The following IL17REL variants were observed in gnomAD, a reference collection of about 807,000 sequenced individuals.
IL17REL encodes the protein interleukin 17 receptor E like.
In IL17REL, 36 loss-of-function variants were observed where a neutral mutation model predicts 49.0. That is an observed-to-expected ratio of 0.73 (90% confidence interval 0.56 to 0.97). The LOEUF is 0.97. Ranked by LOEUF, IL17REL falls within the 50% of genes least tolerant of loss-of-function variation. The pLI is 0.00. For missense variants in IL17REL, 470 were observed against 453.9 expected (o/e 1.04, Z -0.32); for synonymous variants, 206 against 192.4 (o/e 1.07, Z -0.58).
chr22:50,006,207 T>A (rs2061109706), intron 1 of IL17REL, among the ~76,000 whole-genome samples: 1 of 152,042 alleles, frequency 6.6e-6, no homozygotes, highest in African/African-American at 2.4e-5. Flanking sequence ...CCAGGCACTG[T>A]TCCAGACTCG....
intron 1 of IL17REL, among the ~76,000 whole-genome samples, chr22:50,001,507 C>A (rs5771186): frequency 0.18 from 27,682 of 152,130 alleles, 2,749 homozygotes; most frequent in South Asian, 0.38. Flanking sequence ...GAAGCTGCTG[C>A]CCCACCTGGC....
chr22:49,995,779 AAGG>A (rs1313706735), exon 13 of IL17REL: 23 of 152,308 alleles, frequency 1.5e-4, no homozygotes, highest in African/African-American at 5.6e-4. Flanking sequence ...CAGACAAGTG[AAGG>A]AGGAGCCCAC....
chr22:49,993,311 G>A (rs139033730), downstream of IL17REL, among the ~76,000 whole-genome samples: 65 of 152,328 alleles, frequency 4.3e-4, 1 homozygote, highest in East Asian at 0.011. This position sits in a 1 kb window ranked among gnomAD's most constrained non-coding sequence, Gnocchi z 6.0. Context: ...TGTGAGCAGG[G>A]CTGTGCACCC....
chr22:50,001,304 AGG>A, intron 1 of IL17REL, 73 bp from the exon 3 acceptor site: 1 of 652,080 alleles, frequency 1.5e-6, no homozygotes. Flanking sequence ...GGTTCTGGGA[AGG>A]GGGAGAGAGC....
At chr22:50,008,476 C>T (rs149764551) in intron 1 of IL17REL, among the ~76,000 whole-genome samples, 161 bp downstream of exon 2, 5 of 152,272 alleles carry the variant, frequency 3.3e-5, no homozygotes, top group South Asian at 2.1e-4. Context: ...GGGTCCCACA[C>T]GCATCGGTGA....
chr22:50,000,404 TG>T, intron 4 of IL17REL, 73 bp downstream of exon 5: 1 of 1,147,904 alleles, frequency 8.7e-7, no homozygotes, highest in Non-Finnish European at 1.3e-6. Context: ...GCCCCTGCCC[TG>T]GGCAAGTCCC....
At chr22:49,999,501 A>C (rs2061061131) in exon 6 of IL17REL, 1 of 1,527,762 alleles carries the variant, frequency 6.5e-7, no homozygotes, top group Non-Finnish European at 8.9e-7. Flanking sequence ...GTTGGCGGTC[A>C]CCTGCAACCC....
intron 9 of IL17REL, 21 bp downstream of exon 11, chr22:49,998,004 C>T (rs777921916): frequency 2.7e-5 from 43 of 1,595,024 alleles, no homozygotes; most frequent in African/African-American, 2.7e-5. Context: ...AGGGCACTGG[C>T]AGGCTGTGGC....
upstream of IL17REL, among the ~76,000 whole-genome samples, chr22:50,010,099 A>T (rs1277675348): frequency 6.6e-6 from 1 of 152,100 alleles, no homozygotes; most frequent in Non-Finnish European, 1.5e-5. Context: ...CACCGTCTCT[A>T]CCCATTTGCC....
Position 49,997,307 on chromosome 22 carries a change from T to C in IL17REL, c.974+13A>G, listed in dbSNP as rs760791567. 1 of 1,610,862 alleles carries C rather than the reference T, an allele frequency of 6.2e-7. No homozygotes were observed. The highest frequency in any genetic ancestry group is 1.1e-5 in the South Asian group (1 of 90,850). ...CCACCTCCCCAGGATGGAGCCCCAC[T>C]CTCTCGGCTCACTGAGGCTGAAGGG... is the stretch of plus-strand genomic sequence containing the variant. On this transcript the variant is annotated intron_variant, in intron 11 of 12. Coordinates refer to ENST00000341280, the Ensembl canonical transcript of IL17REL.
chr22:50,009,297 T>A (rs1050462745), upstream of IL17REL, among the ~76,000 whole-genome samples: 1 of 151,872 alleles, frequency 6.6e-6, no homozygotes, highest in Non-Finnish European at 1.5e-5. Flanking sequence ...TTTATGATCA[T>A]CCCCAGCCCA....
upstream of IL17REL, chr22:50,008,917 C>G (rs1362707525): frequency 6.6e-6 from 1 of 152,276 alleles, no homozygotes; most frequent in African/African-American, 2.4e-5. Flanking sequence ...AGCAGAGCAC[C>G]CACTACGTGC....
intron 5 of IL17REL, 58 bp from the exon 8 acceptor site, chr22:49,999,560 T>G (rs992872810): frequency 3.8e-5 from 21 of 557,636 alleles, no homozygotes; most frequent in East Asian, 2.0e-4. Flanking sequence ...TGGTCTGGGG[T>G]GGGCGGGACC....
chr22:49,999,608 T>C (rs1601887023), intron 5 of IL17REL, 106 bp from the exon 8 acceptor site: 2 of 482,826 alleles, frequency 4.1e-6, no homozygotes, highest in Non-Finnish European at 6.8e-6. Flanking sequence ...GGGAGGTGGG[T>C]GGGGCCTAGG....
chr22:49,994,065 C>T (rs1383141958), downstream of IL17REL, among the ~76,000 whole-genome samples: 1 of 149,570 alleles, frequency 6.7e-6, no homozygotes, highest in Non-Finnish European at 1.5e-5. Flanking sequence ...GCCTGTATCC[C>T]CCCATTCCCC....
chr22:49,997,206 G>C, intron 11 of IL17REL, 114 bp downstream of exon 13: 1 of 1,390,972 alleles, frequency 7.2e-7, no homozygotes, highest in Non-Finnish European at 1.0e-6. Context: ...AGGTAGACTA[G>C]ACCCTGGGTG....
chr22:50,004,630 G>GC (rs1485465508), intron 1 of IL17REL, among the ~76,000 whole-genome samples: 38 of 152,098 alleles, frequency 2.5e-4, no homozygotes, highest in East Asian at 1.7e-3. Context: ...GGAGGCCGAG[G>GC]AGGGCAGATC....
intron 1 of IL17REL, among the ~76,000 whole-genome samples, chr22:50,003,724 A>G (rs1030422504): frequency 2.0e-5 from 3 of 152,160 alleles, no homozygotes; most frequent in Non-Finnish European, 2.9e-5. Flanking sequence ...ATTTCCTCAA[A>G]TTGATAAAGA....
chr22:50,009,505 C>T (rs942062400), upstream of IL17REL, among the ~76,000 whole-genome samples: 8 of 152,282 alleles, frequency 5.3e-5, no homozygotes, highest in East Asian at 1.2e-3. Context: ...CAGGGCAGGA[C>T]CCCCAGAGTC....
Sources: allele counts gnomAD v4.1 joint callset (sites outside exome capture counted in the v4.1 genomes callset), GRCh38; gene constraint gnomAD v4.1.1; non-coding constraint Gnocchi (gnomAD v3.1); transcripts MANE v1.5; gene names NCBI Gene and HGNC (gene_info 2026-07-23, HGNC 2026-07-21).